The following RAI1 variants were observed in gnomAD, a reference collection of about 807,000 sequenced individuals.
RAI1 encodes retinoic acid-induced protein 1.
In RAI1, 9 loss-of-function variants were observed where a neutral mutation model predicts 123.8. The ratio of observed to expected loss-of-function variants is 0.07; its 90% CI spans 0.04 to 0.13. The LOEUF is 0.13. RAI1 is among the 10% of genes least tolerant of loss of function. The pLI is 1.00. For synonymous variants in RAI1, 1,231 were observed against 1,127.3 expected (o/e 1.09, Z -1.84); for missense variants, 2,256 against 2,545.8 (o/e 0.89, Z 2.45).
At chr17:17,686,568 C>CGTGT (rs58906330) in intron 1 of RAI1, among the ~76,000 whole-genome samples, 7,622 of 124,352 alleles carry the variant, frequency 0.061, 254 homozygotes, top group Middle Eastern at 0.072. Context: ...TTCTTGAACC[C>CGTGT]GTGTGTGTGT....
chr17:17,699,143 C>T (rs560213115), intron 1 of RAI1, among the ~76,000 whole-genome samples: 1 of 152,322 alleles, frequency 6.6e-6, no homozygotes, highest in South Asian at 2.1e-4. Flanking sequence ...TCTCTGGGCT[C>T]CTAGAGGCTG....
chr17:17,796,250 C>T lies in RAI1; in HGVS notation c.3302C>T (p.Pro1101Leu). 2 of 1,581,820 alleles carry T rather than the reference C, an allele frequency of 1.3e-6. No homozygotes were observed. Among genetic ancestry groups the T allele is most frequent in the Non-Finnish European group, 1.7e-6 (2 of 1,162,682 alleles). ...AFKSGKRVGKPSPKAASSPSN... is the reference protein window; with the variant it reads ...AFKSGKRVGKLSPKAASSPSN... ...AAGTCGGGCAAGCGGGTGGGGAAGCCCTCACCCAAGGCTGCCTCCAGCCCC... is the reference window on the plus strand; with the variant it reads ...AAGTCGGGCAAGCGGGTGGGGAAGCTCTCACCCAAGGCTGCCTCCAGCCCC... The change falls in exon 3 of 6, where the codon CCC becomes CTC. Residue 1101 changes from proline (P) to leucine (L), a missense_variant. Physicochemically the swap from Pro to Leu is moderately conservative, Grantham distance 98. Around this residue, in one of 7 missense-constraint regions of RAI1, gnomAD observed 22 missense variants for 50.7 expected, o/e 0.43. Coordinates refer to ENST00000353383, the MANE Select transcript of RAI1 (RefSeq NM_030665.4). The surrounding 1 kb of genome is among the most constrained non-coding windows in gnomAD (Gnocchi z 5.8).
Position 17,799,039 on chromosome 17 carries a change from G to A in RAI1, c.5565+526G>A, listed in dbSNP as rs1339853265. On this transcript the variant is annotated intron_variant, in intron 3 of 5. Transcript: ENST00000353383. This position sits in a 1 kb window ranked among gnomAD's most constrained non-coding sequence, Gnocchi z 4.5. Reference sequence around the variant, plus strand: ...CAGTCACAGGGTTCCTCCCTCTGCAGGACAGTCCATGGGGTCACACAGTCA... The same window carrying A: ...CAGTCACAGGGTTCCTCCCTCTGCAAGACAGTCCATGGGGTCACACAGTCA... 6.6e-6 allele frequency among the ~76,000 whole-genome samples: 1 copy of A among 152,214 alleles called. No homozygotes were observed. Among genetic ancestry groups the A allele is most frequent in the East Asian group, 1.9e-4 (1 of 5,192 alleles).
chr17:17,773,284 A>G (rs1240080773), intron 2 of RAI1, among the ~76,000 whole-genome samples: 1 of 152,118 alleles, frequency 6.6e-6, no homozygotes, highest in Non-Finnish European at 1.5e-5. Flanking sequence ...GAGGCTCAGG[A>G]TGAGCTGGAG....
intron 1 of RAI1, among the ~76,000 whole-genome samples, chr17:17,693,997 T>C (rs1363376569): frequency 6.6e-6 from 1 of 152,224 alleles, no homozygotes; most frequent in African/African-American, 2.4e-5. Flanking sequence ...CATTCACACG[T>C]AGGACTCGCT....
rs76678795 is a variant in RAI1, at chr17:17,768,774, G to C, written c.-16-24159G>C. Among the ~76,000 whole-genome samples the C allele has an allele frequency of 9.3e-3, 1,419 of 152,356 alleles. 22 individuals carry two copies. The highest frequency in any genetic ancestry group is 0.032 in the African/African-American group (1,342 of 41,574). The stretch of plus-strand genomic sequence containing the variant: ...GCTTGGGCCTTGGAGTGCATGGGAG[G>C]GGGAGGAGGTTCAGACCCAAGGTGG... On this transcript the variant is annotated intron_variant, in intron 2 of 5. Transcript: ENST00000353383.
At chr17:17,689,503 A>C (rs552256575) in intron 1 of RAI1, among the ~76,000 whole-genome samples, 8 of 152,200 alleles carry the variant, frequency 5.3e-5, no homozygotes, top group Non-Finnish European at 1.2e-4. Flanking sequence ...GCAACTTGTG[A>C]CTTTAGTGGC....
chr17:17,718,437 C>T (rs1014779335), intron 1 of RAI1, among the ~76,000 whole-genome samples: 3 of 152,188 alleles, frequency 2.0e-5, no homozygotes, highest in Non-Finnish European at 4.4e-5. Context: ...ATGGTAGCCC[C>T]AGCTTGCTCA....
chr17:17,763,686 C>T (rs779621367), intron 2 of RAI1, among the ~76,000 whole-genome samples: 12 of 152,124 alleles, frequency 7.9e-5, no homozygotes, highest in Non-Finnish European at 1.2e-4. Context: ...GTAGAATCCA[C>T]GGGACTCATA....
chr17:17,789,733 G>A (rs1037755406), intron 2 of RAI1, among the ~76,000 whole-genome samples: 3 of 152,182 alleles, frequency 2.0e-5, no homozygotes, highest in Admixed American at 6.5e-5. Flanking sequence ...ACTAGACTCC[G>A]CTCCTCCTGC....
chr17:17,737,577 T>C (rs986035085), intron 2 of RAI1, among the ~76,000 whole-genome samples: 7 of 152,134 alleles, frequency 4.6e-5, no homozygotes, highest in Admixed American at 4.6e-4. Context: ...AAATTTAATT[T>C]AATTCAATTT....
chr17:17,793,554 C>T lies in RAI1; in HGVS notation c.606C>T (p.Pro202=), dbSNP rs550268051. 15 of 1,613,990 alleles carry T rather than the reference C, an allele frequency of 9.3e-6. No individual in the cohort carries two copies. In the African/African-American group the frequency reaches 1.6e-4, roughly 17 times the overall value. Residue 202 remains proline (P), a synonymous_variant, in exon 3 of 6, where the codon CCC becomes CCT. Coordinates refer to ENST00000353383, the MANE Select transcript of RAI1 (RefSeq NM_030665.4). ...AGAACGACATTGCCTCCCCTCTGCCCTTCCCCCAGGGTACCCACTTTCCTC... is the reference window on the plus strand; with the variant it reads ...AGAACGACATTGCCTCCCCTCTGCCTTTCCCCCAGGGTACCCACTTTCCTC... ...KLQNDIASPL[P]FPQGTHFPQH...
chr17:17,750,095 T>C (rs1292130568), intron 2 of RAI1, among the ~76,000 whole-genome samples: 2 of 152,252 alleles, frequency 1.3e-5, no homozygotes, highest in Non-Finnish European at 2.9e-5. Flanking sequence ...TGGAAGGAGA[T>C]ATCACTTGCA....
chr17:17,793,697 C>G lies in RAI1; in HGVS notation c.749C>G (p.Pro250Arg), dbSNP rs773061985. The G allele has an allele frequency of 6.2e-7, 1 of 1,613,102 alleles. No individual in the cohort carries two copies. Among genetic ancestry groups the G allele is most frequent in the East Asian group, 2.2e-5 (1 of 44,870 alleles). Reference protein sequence around the residue: ...TAPTAQPHDRPLTASSSLAPG... With the variant: ...TAPTAQPHDRRLTASSSLAPG... Reference sequence around the variant, plus strand: ...CCGACTGCCCAGCCCCATGACAGGCCGCTGACTGCCAGCTCCAGCCTGGCC... The same window carrying G: ...CCGACTGCCCAGCCCCATGACAGGCGGCTGACTGCCAGCTCCAGCCTGGCC... The change falls in exon 3 of 6, where the codon CCG becomes CGG. Residue 250 changes from proline to arginine, a missense_variant. Physicochemically the swap from Pro to Arg is moderately radical, Grantham distance 103. Around this residue, in one of 7 missense-constraint regions of RAI1, gnomAD observed 336 missense variants for 349.8 expected, o/e 0.96. Coordinates refer to ENST00000353383, the MANE Select transcript of RAI1 (RefSeq NM_030665.4).
rs757546549 is a variant in RAI1 at position 17,796,743 on chromosome 17, T to A, written c.3795T>A (p.Gly1265=). Residue 1265 remains glycine (G), a synonymous_variant, in exon 3 of 6, where the codon GGT becomes GGA. Transcript: ENST00000353383. This position sits in a 1 kb window ranked among gnomAD's most constrained non-coding sequence, Gnocchi z 5.8. The stretch of plus-strand genomic sequence containing the variant: ...ATGGGAAGGAGGAGAGGCCTGAGGG[T>A]TCCCCCACCCTCTTCAAGAGGATGT... The part of the protein sequence containing the change: ...GGDGKEERPE[G]SPTLFKRMSS... 2 of 1,612,462 alleles carry A rather than the reference T, an allele frequency of 1.2e-6. No homozygotes were observed. Among genetic ancestry groups the A allele is most frequent in the South Asian group, 1.1e-5 (1 of 91,046 alleles).
intron 1 of RAI1, among the ~76,000 whole-genome samples, chr17:17,686,740 G>A (rs1205511921): frequency 6.6e-6 from 1 of 151,930 alleles, no homozygotes; most frequent in Non-Finnish European, 1.5e-5. Flanking sequence ...ACGGCAAGGA[G>A]TGAGGGAGAA....
intron 3 of RAI1, among the ~76,000 whole-genome samples, chr17:17,802,914 T>C (rs1325275556): frequency 6.6e-6 from 1 of 151,074 alleles, no homozygotes; most frequent in East Asian, 2.0e-4. Context: ...TGAAACTCCG[T>C]CTCTACTAAA....
In RAI1 at chr17:17,799,409, C is replaced by T. The variant is rs115172803; in HGVS notation, c.5565+896C>T. ...ACCACTTCCCCAGTACCATAGAGTA[C>T]CTCTGTGCCCTTCTGAGGGAGGGGT... is the stretch of plus-strand genomic sequence containing the variant. On this transcript the variant is annotated intron_variant, in intron 3 of 5. Coordinates refer to ENST00000353383, the MANE Select transcript of RAI1 (RefSeq NM_030665.4). This position sits in a 1 kb window ranked among gnomAD's most constrained non-coding sequence, Gnocchi z 4.5. Among the ~76,000 whole-genome samples the T allele has an allele frequency of 1.3e-5, 2 of 152,130 alleles. No homozygotes were observed. Among genetic ancestry groups the T allele is most frequent in the African/African-American group, 4.8e-5 (2 of 41,410 alleles).
rs2032131134 is a variant in RAI1, at chr17:17,793,998, G to C, written c.1050G>C (p.Val350=). ...PSSSHSPARS[V]GRSPSYSSTP... The stretch of plus-strand genomic sequence containing the variant: ...CCAGCCACTCACCCGCCCGCTCCGT[G>C]GGCCGCTCACCTTCCTACAGTTCCA... Residue 350 remains valine, a synonymous_variant, in exon 3 of 6, where the codon GTG becomes GTC. Transcript: ENST00000353383. 6 of 1,613,748 alleles carry C rather than the reference G, an allele frequency of 3.7e-6. No individual in the cohort carries two copies. The highest frequency in any genetic ancestry group is 5.1e-6 in the Non-Finnish European group (6 of 1,180,020).
Sources: allele counts gnomAD v4.1 joint callset (sites outside exome capture counted in the v4.1 genomes callset), GRCh38; gene constraint gnomAD v4.1.1; regional missense constraint gnomAD v4.1.1; non-coding constraint Gnocchi (gnomAD v3.1); transcripts MANE v1.5; gene names NCBI Gene and HGNC (gene_info 2026-07-23, HGNC 2026-07-21).